TENM4: variants seen among roughly 807,000 people sequenced by gnomAD.
TENM4 encodes teneurin transmembrane protein 4.
TENM4 carries 82 observed loss-of-function variants against 243.3 expected under a neutral mutation model. The observed-to-expected ratio is 0.34, with a 90% confidence interval of 0.28 to 0.40. The LOEUF (loss-of-function observed/expected upper bound fraction) is 0.40, where lower values mean the gene tolerates loss of function less well. Among genes scored for constraint, TENM4 ranks in the 10% least tolerant of loss-of-function variants. TENM4 has a pLI of 1.00. For synonymous variants in TENM4, 1,412 were observed against 1,456.3 expected (o/e 0.97, Z 0.69); for missense variants, 3,138 against 3,673.3 (o/e 0.85, Z 3.77).
intron 6 of TENM4, among the ~76,000 whole-genome samples, chr11:78,976,877 C>T (rs865888500): frequency 7.9e-5 from 12 of 152,290 alleles, no homozygotes; most frequent in Admixed American, 2.6e-4. Flanking sequence ...TAAGCATTTG[C>T]CAAATACCTT....
At chr11:78,832,295 T>C (rs1858002975) in intron 12 of TENM4, among the ~76,000 whole-genome samples, 2 of 152,240 alleles carry the variant, frequency 1.3e-5, no homozygotes, top group African/African-American at 2.4e-5. Flanking sequence ...CAATTCACCT[T>C]GTGCCATATA....
At chr11:79,232,467 G>C (rs1864391307) in intron 2 of TENM4, among the ~76,000 whole-genome samples, 1 of 152,194 alleles carries the variant, frequency 6.6e-6, no homozygotes, top group Non-Finnish European at 1.5e-5. Flanking sequence ...CTGCGAGTGA[G>C]TTTTCCATTT....
chr11:78,770,595 T>A (rs1056240029), intron 18 of TENM4, among the ~76,000 whole-genome samples: 1 of 152,216 alleles, frequency 6.6e-6, no homozygotes, highest in Non-Finnish European at 1.5e-5. Flanking sequence ...CTCAACCTCC[T>A]TCCCTGGGAG....
At chr11:78,812,356 C>T (rs996149358) in intron 13 of TENM4, 40 bp from the exon 14 acceptor site, 1 of 1,537,786 alleles carries the variant, frequency 6.5e-7, no homozygotes, top group Non-Finnish European at 8.8e-7. Context: ...AATCAATGTC[C>T]AGCACACCCC....
At chr11:78,808,331 T>C (rs1421594614) in intron 14 of TENM4, among the ~76,000 whole-genome samples, 1 of 152,254 alleles carries the variant, frequency 6.6e-6, no homozygotes, top group African/African-American at 2.4e-5. Flanking sequence ...AGTGATCATT[T>C]GGTAATAACA....
chr11:78,697,273 G>T (rs548138028), intron 28 of TENM4, among the ~76,000 whole-genome samples: 6 of 152,166 alleles, frequency 3.9e-5, no homozygotes, highest in Non-Finnish European at 8.8e-5. Flanking sequence ...CCCGGAGCTG[G>T]TGCATCTGCC....
intron 4 of TENM4, among the ~76,000 whole-genome samples, chr11:79,075,422 T>G (rs904527319): frequency 2.0e-5 from 3 of 152,222 alleles, no homozygotes; most frequent in Non-Finnish European, 4.4e-5. Flanking sequence ...ACATTTAACT[T>G]ACTCCAAGAG....
chr11:78,721,878 C>T (rs562707619), intron 24 of TENM4, among the ~76,000 whole-genome samples: 1 of 152,224 alleles, frequency 6.6e-6, no homozygotes, highest in African/African-American at 2.4e-5. Context: ...TCTTCCATGA[C>T]CCCTAAGCCC....
At chr11:79,336,305 G>T (rs1160803165) in intron 1 of TENM4, among the ~76,000 whole-genome samples, 2 of 152,124 alleles carry the variant, frequency 1.3e-5, no homozygotes, top group Admixed American at 1.3e-4. Flanking sequence ...GCAAATCCCT[G>T]TCCTCCTCCA....
chr11:79,278,603 C>T (rs549655445), intron 2 of TENM4, among the ~76,000 whole-genome samples: 1 of 152,312 alleles, frequency 6.6e-6, no homozygotes, highest in African/African-American at 2.4e-5. Context: ...CACCCGAATT[C>T]TTGCCACTTC....
Position 78,683,797 on chromosome 11 carries a change from C to T in TENM4, c.5260+4257G>A, listed in dbSNP as rs1858585524. On this transcript the variant is annotated intron_variant, in intron 29 of 33. Transcript: ENST00000278550. ...CTGTTCCTATTCGGCCATCTTGGCT[C>T]CTCCCTAGATTCTTAACTAAATGAA... 5.3e-5 allele frequency among the ~76,000 whole-genome samples: 8 copies of T among 151,782 alleles called. No homozygotes were observed. In the South Asian group the frequency reaches 1.7e-3, roughly 32 times the overall value.
intron 6 of TENM4, among the ~76,000 whole-genome samples, chr11:79,022,626 G>C (rs927470123): frequency 4.6e-5 from 7 of 152,096 alleles, no homozygotes; most frequent in Admixed American, 3.9e-4. Flanking sequence ...CCAAATAAAA[G>C]GTTTTTAAAA....
At chr11:79,142,318 G>T (rs934791599) in intron 4 of TENM4, among the ~76,000 whole-genome samples, 1 of 151,632 alleles carries the variant, frequency 6.6e-6, no homozygotes, top group African/African-American at 2.4e-5. Context: ...AATATCAGTA[G>T]GATTTCTATA....
rs575884723 is a variant in TENM4 at position 79,302,135 on chromosome 11, TA to T, written c.-320-4593del. Among the ~76,000 whole-genome samples, 29 of 152,230 alleles carry T rather than the reference TA, an allele frequency of 1.9e-4. 1 individual carries two copies. The East Asian group carries it at 5.4e-3, about 28-fold the overall frequency. On this transcript the variant is annotated intron_variant, in intron 1 of 33. Coordinates refer to ENST00000278550, the MANE Select transcript of TENM4 (RefSeq NM_001098816.3). The stretch of plus-strand genomic sequence containing the variant: ...GATTACTTTCTTTAAAAATATATAT[TA>T]AAAATATTTAAATAACCTATCTACT...
intron 2 of TENM4, among the ~76,000 whole-genome samples, chr11:79,255,420 G>A (rs758051895): frequency 2.0e-5 from 3 of 152,134 alleles, no homozygotes; most frequent in East Asian, 1.9e-4. Context: ...GCCTAGAGTC[G>A]GCTGGCAGAA....
At chr11:79,369,946 G>A (rs1405940651) in intron 1 of TENM4, among the ~76,000 whole-genome samples, 3 of 152,174 alleles carry the variant, frequency 2.0e-5, no homozygotes, top group Non-Finnish European at 4.4e-5. Flanking sequence ...TTTTCCAGGT[G>A]AAGCAGCTGG....
In TENM4 at chr11:79,176,879, G is replaced by C. The variant is rs368590586; in HGVS notation, c.-162-28073C>G. 1.3e-3 allele frequency among the ~76,000 whole-genome samples: 196 copies of C among 152,278 alleles called. 2 individuals are homozygous for C. In the South Asian group the frequency reaches 0.038, roughly 30 times the overall value. ...GTCTGAAGAACAGAGAAATAAATGG[G>C]AATTTACTGAGGTTCCTGTAGGAGA... On this transcript the variant is annotated intron_variant, in intron 3 of 33. Transcript: ENST00000278550.
Position 78,775,355 on chromosome 11 carries a change from T to C in TENM4, c.2392+3247A>G, listed in dbSNP as rs564259902. ...TCACCAGACCTTTAGTGGGATTGGG[T>C]CAATGAATCATTGAGGTGCCAGTTT... On this transcript the variant is annotated intron_variant, in intron 17 of 33. Coordinates refer to ENST00000278550, the MANE Select transcript of TENM4 (RefSeq NM_001098816.3). Among the ~76,000 whole-genome samples, 323 of 152,244 alleles carry C rather than the reference T, an allele frequency of 2.1e-3. 1 individual carries two copies. The highest frequency in any genetic ancestry group is 7.4e-3 in the African/African-American group (309 of 41,542).
chr11:79,051,986 T>C (rs990902767), intron 6 of TENM4, among the ~76,000 whole-genome samples: 1 of 152,214 alleles, frequency 6.6e-6, no homozygotes, highest in Non-Finnish European at 1.5e-5. Context: ...TATTCCATGG[T>C]GTATATGTAC....
Sources: allele counts gnomAD v4.1 joint callset (sites outside exome capture counted in the v4.1 genomes callset), GRCh38; gene constraint gnomAD v4.1.1; transcripts MANE v1.5; gene names NCBI Gene and HGNC (gene_info 2026-07-23, HGNC 2026-07-21).